SLX4IP: variants seen among roughly 807,000 people sequenced by gnomAD.
SLX4IP encodes the protein protein SLX4IP.
Under a neutral mutation model 32.9 loss-of-function variants are expected in SLX4IP, and 34 were observed. That is an observed-to-expected ratio of 1.03 (90% CI 0.79 to 1.38). SLX4IP has a LOEUF of 1.38. Ranked by LOEUF, SLX4IP falls within the 40% of genes most tolerant of loss-of-function variation. The probability of loss-of-function intolerance (pLI) is 0.00; values close to 1 mark genes in which losing one functional copy is unlikely to be tolerated. For synonymous variants in SLX4IP, 172 were observed against 171.7 expected, an observed-to-expected ratio of 1.00 and a Z score of -0.01; for missense variants, 444 against 479.0, an observed-to-expected ratio of 0.93 and a Z score of 0.68.
At chr20:10,484,724 G>A (rs951408502) in intron 2 of SLX4IP, among the ~76,000 whole-genome samples, 2 of 152,140 alleles carry the variant, frequency 1.3e-5, no homozygotes, top group Non-Finnish European at 2.9e-5. Flanking sequence ...TTATCCTCAA[G>A]AAAAGTATAT....
intron 2 of SLX4IP, among the ~76,000 whole-genome samples, chr20:10,539,685 A>G (rs1393832915): frequency 6.6e-6 from 1 of 152,190 alleles, no homozygotes; most frequent in Admixed American, 6.5e-5. Context: ...TAAACTGTTC[A>G]GAGTATATGT....
intron 4 of SLX4IP, among the ~76,000 whole-genome samples, chr20:10,572,930 A>G (rs1031240833): frequency 6.6e-6 from 1 of 152,228 alleles, no homozygotes; most frequent in African/African-American, 2.4e-5. Flanking sequence ...CATGTTGGGG[A>G]ATCAGTGTGT....
intron 4 of SLX4IP, among the ~76,000 whole-genome samples, chr20:10,581,801 A>AG (rs2066589189): frequency 1.3e-5 from 2 of 152,112 alleles, no homozygotes; most frequent in African/African-American, 4.8e-5. Flanking sequence ...GTGCACCTGG[A>AG]GTCCTACTTG....
chr20:10,464,476 T>A (rs2065364174), intron 2 of SLX4IP, among the ~76,000 whole-genome samples: 1 of 152,006 alleles, frequency 6.6e-6, no homozygotes, highest in Admixed American at 6.6e-5. Flanking sequence ...AGGCCAGGAG[T>A]TAGAGACCAG....
chr20:10,612,696 C>T (rs758118542), intron 6 of SLX4IP, among the ~76,000 whole-genome samples: 8 of 152,034 alleles, frequency 5.3e-5, no homozygotes, highest in Non-Finnish European at 1.0e-4. Flanking sequence ...TGCACCACCA[C>T]GCCCGGCTAA....
At chr20:10,452,885 T>C (rs1179293106) in intron 1 of SLX4IP, among the ~76,000 whole-genome samples, 1 of 151,610 alleles carries the variant, frequency 6.6e-6, no homozygotes, top group Non-Finnish European at 1.5e-5. Flanking sequence ...ACGTAAAAAA[T>C]TTTATTAAAA....
intron 2 of SLX4IP, among the ~76,000 whole-genome samples, chr20:10,553,827 C>T (rs927737794): frequency 1.3e-5 from 2 of 152,204 alleles, no homozygotes; most frequent in African/African-American, 4.8e-5. Context: ...CTGTAACACA[C>T]TAAAGTGCAC....
chr20:10,469,217 G>C (rs1382385070), intron 2 of SLX4IP, among the ~76,000 whole-genome samples: 1 of 152,104 alleles, frequency 6.6e-6, no homozygotes. Context: ...GGCTCATAGA[G>C]AACAGGGAAG....
intron 2 of SLX4IP, among the ~76,000 whole-genome samples, chr20:10,553,089 C>T (rs1480814629): frequency 3.3e-5 from 5 of 152,138 alleles, no homozygotes; most frequent in South Asian, 2.1e-4. Context: ...GAAAAAGTTA[C>T]GTCTTTATTG....
chr20:10,520,355 G>T (rs1028634410), intron 2 of SLX4IP, among the ~76,000 whole-genome samples: 2 of 152,126 alleles, frequency 1.3e-5, no homozygotes, highest in African/African-American at 4.8e-5. Context: ...CGGCCCTTGT[G>T]CCCATTTTTC....
intron 2 of SLX4IP, among the ~76,000 whole-genome samples, chr20:10,480,858 A>G (rs2065515097): frequency 6.6e-6 from 1 of 152,206 alleles, no homozygotes; most frequent in African/African-American, 2.4e-5. Flanking sequence ...AGCTGGGTGT[A>G]GTAGTCTTGG....
intron 2 of SLX4IP, among the ~76,000 whole-genome samples, chr20:10,545,177 G>A (rs1273650930): frequency 6.6e-6 from 1 of 152,128 alleles, no homozygotes; most frequent in East Asian, 1.9e-4. Flanking sequence ...TATCCCTAAG[G>A]TCGTACACAC....
At chr20:10,498,238 A>G (rs902527358) in intron 2 of SLX4IP, among the ~76,000 whole-genome samples, 2 of 151,368 alleles carry the variant, frequency 1.3e-5, no homozygotes, top group African/African-American at 4.9e-5. Context: ...AGCTCTGTTC[A>G]GTTCCTGAGG....
In SLX4IP at chr20:10,472,654, G is replaced by A. The variant is rs181335327; in HGVS notation, c.27+14423G>A. Among the ~76,000 whole-genome samples, 184 of 152,288 alleles carry A rather than the reference G, an allele frequency of 1.2e-3. 1 individual carries two copies. In the Middle Eastern group the frequency reaches 0.024, roughly 20 times the overall value. On this transcript the variant is annotated intron_variant, in intron 2 of 7. Coordinates refer to ENST00000334534, the MANE Select transcript of SLX4IP (RefSeq NM_001009608.3). ...GCCTTAAGATTGACCAGCACCTTGG[G>A]AAGTGACTTGAGTCTTTCTGAGCTT... is the stretch of plus-strand genomic sequence containing the variant.
Position 10,455,578 on chromosome 20 carries a change from C to CTTTTATTT in SLX4IP, c.-29-2597_-29-2590dup, listed in dbSNP as rs1555805453. On this transcript the variant is annotated intron_variant, in intron 1 of 7. Coordinates refer to ENST00000334534, the MANE Select transcript of SLX4IP (RefSeq NM_001009608.3). ...ATTTTATTCCAATTGACCTGTATGTCTTTTATTTATTTATTTATTTATTTA... is the reference window on the plus strand; with the variant it reads ...ATTTTATTCCAATTGACCTGTATGTCTTTTATTTTTTTATTTATTTATTTATTTATTTA... 5.1e-5 allele frequency among the ~76,000 whole-genome samples: 6 copies of CTTTTATTT among 116,732 alleles called. No homozygotes were observed. In the East Asian group the frequency reaches 2.1e-3, roughly 40 times the overall value. The allele number at this position is 116,732 out of a possible 152,430, so 76.6% of individuals were successfully genotyped here.
At chr20:10,520,163 G>A (rs2065890330) in intron 2 of SLX4IP, among the ~76,000 whole-genome samples, 1 of 152,034 alleles carries the variant, frequency 6.6e-6, no homozygotes, top group Non-Finnish European at 1.5e-5. Context: ...CGATTCTCCT[G>A]CCTCAGCCTC....
At chr20:10,535,899 G>T (rs960904163) in intron 2 of SLX4IP, among the ~76,000 whole-genome samples, 20 of 152,196 alleles carry the variant, frequency 1.3e-4, no homozygotes, top group African/African-American at 4.8e-4. Flanking sequence ...TTTCAAAGGG[G>T]TAAGGATTTT....
In SLX4IP at chr20:10,601,722, T is replaced by C. The variant is rs2066843987; in HGVS notation, c.317-9T>C. The stretch of plus-strand genomic sequence containing the variant: ...CACCTTTAAACTTGTTTTTCTTCAT[T>C]TTATACAGAACTCTGTGTATTCCCT... On this transcript the variant is annotated splice_polypyrimidine_tract_variant and intron_variant, in intron 5 of 7. Coordinates refer to ENST00000334534, the MANE Select transcript of SLX4IP (RefSeq NM_001009608.3). The C allele has an allele frequency of 6.2e-7, 1 of 1,612,644 alleles. No individual in the cohort carries two copies. Among genetic ancestry groups the C allele is most frequent in the African/African-American group, 1.3e-5 (1 of 74,892 alleles).
intron 2 of SLX4IP, among the ~76,000 whole-genome samples, chr20:10,529,729 C>A (rs1002749468): frequency 1.3e-5 from 2 of 151,874 alleles, no homozygotes; most frequent in Non-Finnish European, 2.9e-5. Context: ...CAAGGACCCT[C>A]TCCCATAATT....
Sources: allele counts gnomAD v4.1 joint callset (sites outside exome capture counted in the v4.1 genomes callset), GRCh38; gene constraint gnomAD v4.1.1; transcripts MANE v1.5; gene names NCBI Gene and HGNC (gene_info 2026-07-23, HGNC 2026-07-21).